The following TENM3 variants were observed in gnomAD, a reference collection of about 807,000 sequenced individuals.
TENM3 encodes the protein teneurin transmembrane protein 3.
TENM3 carries 63 observed loss-of-function variants against 255.1 expected under a neutral mutation model. The ratio of observed to expected loss-of-function variants is 0.25; its 90% CI spans 0.20 to 0.30. The LOEUF is 0.30. Ranked by LOEUF, TENM3 falls within the 10% of genes least tolerant of loss-of-function variation. TENM3 has a pLI of 1.00. For synonymous variants in TENM3, 1,306 were observed against 1,322.3 expected (o/e 0.99, Z 0.27); for missense variants, 2,929 against 3,461.1 (o/e 0.85, Z 3.86).
At chr4:182,511,442 T>C (rs1737387403) in intron 3 of TENM3, among the ~76,000 whole-genome samples, 1 of 152,198 alleles carries the variant, frequency 6.6e-6, no homozygotes, top group Admixed American at 6.5e-5. Context: ...TGATAATTTC[T>C]TGGAATTATG....
chr4:181,605,572 GAGAGAAAGAAAGGAAAGAA>G, the TENM3 span, among the ~76,000 whole-genome samples: 3 of 20,016 alleles, frequency 1.5e-4, no homozygotes, highest in Admixed American at 7.0e-4. Flanking sequence ...GAAAGAAAGA[GAGAGAAAGAAAGGAAAGAA>G]AGAAAGAAAG....
At chr4:181,713,874 C>A in the TENM3 span, among the ~76,000 whole-genome samples, 12 of 152,126 alleles carry the variant, frequency 7.9e-5, no homozygotes, top group Non-Finnish European at 1.5e-4. Context: ...GATCAAGGTA[C>A]CCTTAGCCAA....
upstream of TENM3, among the ~76,000 whole-genome samples, chr4:182,241,207 TG>T (rs1304384016): frequency 6.6e-6 from 1 of 152,242 alleles, no homozygotes; most frequent in East Asian, 1.9e-4. Flanking sequence ...GCTCAGCTTC[TG>T]GGCACTTAAT....
chr4:182,750,162 C>A (rs1252836477), intron 19 of TENM3, among the ~76,000 whole-genome samples: 3 of 152,186 alleles, frequency 2.0e-5, no homozygotes, highest in Non-Finnish European at 4.4e-5. Context: ...GATCACTTGG[C>A]ATAACCCAGT....
At chr4:181,517,611 G>C in the TENM3 span, among the ~76,000 whole-genome samples, 1 of 152,284 alleles carries the variant, frequency 6.6e-6, no homozygotes, top group South Asian at 2.1e-4. Context: ...CATCCCAACA[G>C]TTTTACAATT....
At chr4:182,687,258 C>CTT (rs1324242184) in intron 11 of TENM3, among the ~76,000 whole-genome samples, 1 of 152,096 alleles carries the variant, frequency 6.6e-6, no homozygotes, top group Non-Finnish European at 1.5e-5. Flanking sequence ...GGGGAAAAAA[C>CTT]TATAGCTAAC....
chr4:181,971,841 A>G, the TENM3 span, among the ~76,000 whole-genome samples: 1 of 151,818 alleles, frequency 6.6e-6, no homozygotes, highest in South Asian at 2.1e-4. Context: ...AAGCACTGGA[A>G]TTACAGTCAT....
At chr4:181,651,897 T>C in the TENM3 span, among the ~76,000 whole-genome samples, 1 of 152,170 alleles carries the variant, frequency 6.6e-6, no homozygotes, top group Non-Finnish European at 1.5e-5. Flanking sequence ...AAATTGACTC[T>C]TGTACAAATG....
chr4:182,431,011 C>CTAAA lies in TENM3; in HGVS notation c.511+84107_511+84110dup, dbSNP rs60841901. On this transcript the variant is annotated intron_variant, in intron 3 of 27. Transcript: ENST00000511685. ...TGGGTGACACAGCAAGACTCCATCT[C>CTAAA]TAAATAAATAAATAAATAAATAAAT... 1.1e-3 allele frequency among the ~76,000 whole-genome samples: 158 copies of CTAAA among 148,308 alleles called. 3 individuals carry two copies. Among genetic ancestry groups the CTAAA allele is most frequent in the South Asian group, 4.6e-3 (21 of 4,542 alleles).
At chr4:182,384,798 C>T (rs1453627319) in intron 3 of TENM3, among the ~76,000 whole-genome samples, 2 of 151,654 alleles carry the variant, frequency 1.3e-5, no homozygotes, top group East Asian at 3.9e-4. Flanking sequence ...CTTTTTTTGT[C>T]CCCCTTTATT....
the TENM3 span, among the ~76,000 whole-genome samples, chr4:182,127,463 G>T: frequency 1.3e-5 from 2 of 152,134 alleles, no homozygotes; most frequent in African/African-American, 4.8e-5. Context: ...ATGTTGCTGT[G>T]CCCTGTTAGA....
the TENM3 span, among the ~76,000 whole-genome samples, chr4:181,450,336 T>A: frequency 6.6e-6 from 1 of 152,198 alleles, no homozygotes; most frequent in African/African-American, 2.4e-5. Flanking sequence ...CTGGGGTAAG[T>A]AATAAGGTCA....
chr4:182,684,265 A>G (rs879473445), intron 11 of TENM3, among the ~76,000 whole-genome samples: 1 of 151,416 alleles, frequency 6.6e-6, no homozygotes, highest in Non-Finnish European at 1.5e-5. Context: ...GTGTTGAGTG[A>G]ATAAAAACAT....
chr4:182,069,684 TAAACACACAC>T, the TENM3 span, among the ~76,000 whole-genome samples: 1 of 49,752 alleles, frequency 2.0e-5, no homozygotes, highest in Non-Finnish European at 4.6e-5. Context: ...CATAGATGCA[TAAACACACAC>T]ACACACACAC....
chr4:182,701,453 C>T (rs1004512970), intron 12 of TENM3, among the ~76,000 whole-genome samples: 1 of 151,810 alleles, frequency 6.6e-6, no homozygotes, highest in African/African-American at 2.4e-5. Flanking sequence ...AGCTCCTGAC[C>T]TCGTGATCCG....
the TENM3 span, among the ~76,000 whole-genome samples, chr4:181,482,779 G>A: frequency 6.6e-6 from 1 of 152,006 alleles, no homozygotes; most frequent in African/African-American, 2.4e-5. Context: ...CGTTTTATAT[G>A]TCTGCATGAT....
At chr4:182,616,338 T>C (rs72701984) in intron 4 of TENM3, among the ~76,000 whole-genome samples, 29,546 of 140,776 alleles carry the variant, frequency 0.21, 3,488 homozygotes, top group Non-Finnish European at 0.27. Context: ...ATGATGGTCA[T>C]AGGAAGGGGA....
chr4:181,606,773 C>A, the TENM3 span, among the ~76,000 whole-genome samples: 8 of 151,896 alleles, frequency 5.3e-5, no homozygotes, highest in African/African-American at 1.9e-4. Flanking sequence ...CTTAGCCACT[C>A]AAGCAGAAGG....
chr4:181,800,542 A>T, the TENM3 span, among the ~76,000 whole-genome samples: 1 of 152,312 alleles, frequency 6.6e-6, no homozygotes, highest in South Asian at 2.1e-4. Context: ...CTGAGGTGGA[A>T]GAACTGCTTG....
Sources: allele counts gnomAD v4.1 joint callset (sites outside exome capture counted in the v4.1 genomes callset), GRCh38; gene constraint gnomAD v4.1.1; transcripts MANE v1.5; gene names NCBI Gene and HGNC (gene_info 2026-07-23, HGNC 2026-07-21).